The following CEP112 variants were observed in gnomAD, a reference collection of about 807,000 sequenced individuals.
The protein encoded by CEP112 is centrosomal protein 112.
CEP112 carries 127 observed loss-of-function variants against 153.0 expected under a neutral mutation model. The observed-to-expected ratio is 0.83, with a 90% CI of 0.72 to 0.96. The LOEUF (loss-of-function observed/expected upper bound fraction) is 0.96, where lower values mean the gene tolerates loss of function less well. Ranked by LOEUF, CEP112 falls within the 40% of genes least tolerant of loss-of-function variation. CEP112 has a pLI of 0.00. For missense variants in CEP112, 1,089 were observed against 1,101.2 expected, an observed-to-expected ratio of 0.99 and a Z score of 0.16; for synonymous variants, 358 against 374.4, an observed-to-expected ratio of 0.96 and a Z score of 0.51.
chr17:65,646,008 G>A (rs1424869417), intron 24 of CEP112, among the ~76,000 whole-genome samples: 1 of 152,076 alleles, frequency 6.6e-6, no homozygotes, highest in Non-Finnish European at 1.5e-5. Context: ...AAGTACTTTG[G>A]AGGTCACGGC....
intron 16 of CEP112, among the ~76,000 whole-genome samples, chr17:66,025,789 T>C (rs2065174713): frequency 6.6e-6 from 1 of 151,994 alleles, no homozygotes; most frequent in Non-Finnish European, 1.5e-5. Flanking sequence ...ATCCAGCAAT[T>C]CCACTTCTGG....
chr17:66,026,698 A>G (rs1485659923), intron 16 of CEP112, among the ~76,000 whole-genome samples: 1 of 152,200 alleles, frequency 6.6e-6, no homozygotes, highest in African/African-American at 2.4e-5. Flanking sequence ...AAAATGGTGT[A>G]GTATTTGCAT....
chr17:66,059,540 C>G (rs187830382), intron 11 of CEP112, among the ~76,000 whole-genome samples: 1 of 151,906 alleles, frequency 6.6e-6, no homozygotes, highest in Non-Finnish European at 1.5e-5. Flanking sequence ...AACAAACATA[C>G]GAAAAAATGT....
chr17:66,025,950 T>TAC (rs1336161255), intron 16 of CEP112, among the ~76,000 whole-genome samples: 11 of 115,890 alleles, frequency 9.5e-5, no homozygotes, highest in Admixed American at 2.1e-4. Flanking sequence ...CACACACACA[T>TAC]ATATAGATAT....
intron 21 of CEP112, among the ~76,000 whole-genome samples, chr17:65,783,916 G>T (rs1176802064): frequency 6.6e-6 from 1 of 152,220 alleles, no homozygotes; most frequent in African/African-American, 2.4e-5. Context: ...CATGGGCTAT[G>T]AAGTTAAACC....
At chr17:65,824,499 C>A (rs1379993885) in intron 21 of CEP112, among the ~76,000 whole-genome samples, 2 of 152,078 alleles carry the variant, frequency 1.3e-5, no homozygotes, top group Non-Finnish European at 2.9e-5. Flanking sequence ...TCAAAACTTG[C>A]AGAACTGCAC....
intron 23 of CEP112, among the ~76,000 whole-genome samples, chr17:65,700,465 G>A (rs1035769054): frequency 2.6e-5 from 4 of 152,138 alleles, no homozygotes; most frequent in African/African-American, 9.7e-5. Flanking sequence ...GGAGCTGGAG[G>A]GTTTCCCAGG....
intron 16 of CEP112, among the ~76,000 whole-genome samples, chr17:66,008,837 C>A (rs116782771): frequency 4.6e-4 from 69 of 150,452 alleles, no homozygotes; most frequent in African/African-American, 1.6e-3. Flanking sequence ...ACAGGATTTT[C>A]TTTTTTAAGG....
chr17:65,699,652 C>T (rs1006286723), intron 23 of CEP112, among the ~76,000 whole-genome samples: 1 of 152,084 alleles, frequency 6.6e-6, no homozygotes, highest in Admixed American at 6.6e-5. Context: ...GGGGGTCTCA[C>T]TATGTTGCCC....
chr17:66,026,760 T>C lies in CEP112; in HGVS notation c.1656+741A>G, dbSNP rs1311238985. On this transcript the variant is annotated intron_variant, in intron 16 of 26. Transcript: ENST00000535342. ...CTTTAAGTCATCTCATAATAACTTA[T>C]ATAGTACCTAATCCAATGCTTACAC... is the stretch of plus-strand genomic sequence containing the variant. Among the ~76,000 whole-genome samples, 3 of 152,314 alleles carry C rather than the reference T, an allele frequency of 2.0e-5. No individual in the cohort carries two copies. The East Asian group carries it at 5.8e-4, about 29-fold the overall frequency.
At chr17:66,142,963 C>T (rs2070772711) in intron 4 of CEP112, among the ~76,000 whole-genome samples, 1 of 152,114 alleles carries the variant, frequency 6.6e-6, no homozygotes, top group Non-Finnish European at 1.5e-5. Flanking sequence ...ATTAATTCTT[C>T]CAATCCATGA....
At position 65,751,982 on chromosome 17, in the gene CEP112, CTATCTAT is replaced by C. The variant is rs1343849665; in HGVS notation, c.2395-1265_2395-1259del. On this transcript the variant is annotated intron_variant, in intron 21 of 26. Coordinates refer to ENST00000535342, the MANE Select transcript of CEP112 (RefSeq NM_001199165.4). ...TCTATCTATCTATCTATCTATCTAT[CTATCTAT>C]CTATCTATCTATCTACTGTTCCTTT... Among the ~76,000 whole-genome samples, 3 of 145,354 alleles carry C rather than the reference CTATCTAT, an allele frequency of 2.1e-5. No individual in the cohort carries two copies. In the Admixed American group the frequency reaches 2.1e-4, roughly 10 times the overall value.
intron 16 of CEP112, among the ~76,000 whole-genome samples, chr17:66,010,113 T>C (rs966110430): frequency 5.3e-5 from 8 of 152,188 alleles, no homozygotes; most frequent in Non-Finnish European, 1.2e-4. Context: ...TTTTTTGATT[T>C]ATTTGTGTCA....
At position 65,962,152 on chromosome 17, in the gene CEP112, A is replaced by G. The variant is rs541900015; in HGVS notation, c.1737-554T>C. Among the ~76,000 whole-genome samples the G allele has an allele frequency of 2.0e-5, 3 of 152,326 alleles. No homozygotes were observed. The East Asian group carries it at 5.8e-4, about 29-fold the overall frequency. On this transcript the variant is annotated intron_variant, in intron 17 of 26. Transcript: ENST00000535342. The stretch of plus-strand genomic sequence containing the variant: ...TGCCAAGGGATATGAAATGAGGAAA[A>G]TATGAAAATGTTCTGGAATTAGATA...
chr17:66,033,669 T>C (rs905237641), intron 12 of CEP112, among the ~76,000 whole-genome samples: 12 of 152,250 alleles, frequency 7.9e-5, no homozygotes, highest in East Asian at 7.7e-4. Flanking sequence ...AATCTTTCCA[T>C]AGCCATTCTA....
chr17:65,907,942 G>A (rs1411421542), intron 19 of CEP112, among the ~76,000 whole-genome samples: 1 of 152,070 alleles, frequency 6.6e-6, no homozygotes, highest in Non-Finnish European at 1.5e-5. Flanking sequence ...ACCAGGAGGT[G>A]GTAAATTATG....
chr17:65,890,690 ACAGT>A (rs879587932), intron 20 of CEP112, among the ~76,000 whole-genome samples: 24 of 152,292 alleles, frequency 1.6e-4, no homozygotes, highest in Middle Eastern at 6.8e-3. Context: ...AGGCAGGTGT[ACAGT>A]CAATGTTTCT....
intron 20 of CEP112, among the ~76,000 whole-genome samples, chr17:65,852,880 T>C (rs1277616314): frequency 6.6e-6 from 1 of 152,190 alleles, no homozygotes; most frequent in African/African-American, 2.4e-5. Flanking sequence ...TCTTTTCTGA[T>C]TTATAAATGT....
At chr17:65,999,077 C>G (rs2063909453) in intron 17 of CEP112, among the ~76,000 whole-genome samples, 1 of 151,886 alleles carries the variant, frequency 6.6e-6, no homozygotes, top group Admixed American at 6.6e-5. Context: ...TAAGTCTGTT[C>G]TAGAAGTAAA....
Sources: allele counts gnomAD v4.1 joint callset (sites outside exome capture counted in the v4.1 genomes callset), GRCh38; gene constraint gnomAD v4.1.1; transcripts MANE v1.5; gene names NCBI Gene and HGNC (gene_info 2026-07-23, HGNC 2026-07-21).